Variants in BMPR2 observed in about 807,000 individuals in gnomAD.
The protein encoded by BMPR2 is bone morphogenetic protein receptor type 2.
Under a neutral mutation model 100.8 loss-of-function variants are expected in BMPR2, and 29 were observed. That is an observed-to-expected ratio of 0.29 (90% CI 0.21 to 0.39). BMPR2 has a LOEUF of 0.39. Among genes scored for constraint, BMPR2 ranks in the 10% least tolerant of loss-of-function variants. The pLI is 1.00. For missense variants in BMPR2, 1,011 were observed against 1,274.5 expected, an observed-to-expected ratio of 0.79 and a Z score of 3.15; for synonymous variants, 382 against 442.3, an observed-to-expected ratio of 0.86 and a Z score of 1.71.
At chr2:202,455,258 A>T (rs1692070202) in intron 1 of BMPR2, among the ~76,000 whole-genome samples, 1 of 152,176 alleles carries the variant, frequency 6.6e-6, no homozygotes, top group South Asian at 2.1e-4. Flanking sequence ...TTAATATCCA[A>T]ATAAGGTGAC....
At chr2:202,381,862 T>C (rs544454503) in intron 1 of BMPR2, among the ~76,000 whole-genome samples, 1 of 152,086 alleles carries the variant, frequency 6.6e-6, no homozygotes, top group African/African-American at 2.4e-5. Flanking sequence ...ACAAAACCTT[T>C]CCTTCATTAA....
intron 1 of BMPR2, among the ~76,000 whole-genome samples, chr2:202,399,781 C>T (rs750564179): frequency 4.6e-5 from 7 of 152,166 alleles, no homozygotes; most frequent in African/African-American, 7.2e-5. Flanking sequence ...CTCTAATATA[C>T]TGTTTTTTAA....
rs758635863 is a variant in BMPR2, at chr2:202,377,457, T to C, written c.-18T>C. Reference sequence around the variant, plus strand: ...ATATTTCTTTTCTTTGCCCTCCTGATTCTTGGCTGGCCCAGGGATGACTTC... The same window carrying C: ...ATATTTCTTTTCTTTGCCCTCCTGACTCTTGGCTGGCCCAGGGATGACTTC... On this transcript the variant is annotated 5_prime_UTR_variant, in exon 1 of 13. Coordinates refer to ENST00000374580, the MANE Select transcript of BMPR2 (RefSeq NM_001204.7). 6.2e-7 allele frequency: 1 copy of C among 1,614,072 alleles called. No homozygotes were observed. Among genetic ancestry groups the C allele is most frequent in the Non-Finnish European group, 8.5e-7 (1 of 1,179,864 alleles).
rs142264346 is a variant in BMPR2, at chr2:202,505,226, C to T, written c.419-8493C>T. ...CCTCAGACACTGGAAGAAAATTTGC[C>T]AATCAGAAGTTCAGGGGACTTCTGA... On this transcript the variant is annotated intron_variant, in intron 3 of 12. Coordinates refer to ENST00000374580, the MANE Select transcript of BMPR2 (RefSeq NM_001204.7). 866 of 152,518 alleles carry T rather than the reference C, an allele frequency of 5.7e-3. 6 individuals are homozygous for T. Among genetic ancestry groups the T allele is most frequent in the Middle Eastern group, 0.01 (3 of 300 alleles). The allele number at this position is 152,518 out of a possible 1,614,324, so 9.4% of individuals were successfully genotyped here. A position where few individuals can be genotyped will look rare whatever the true frequency, so the allele number is the denominator to read the frequency against.
intron 3 of BMPR2, among the ~76,000 whole-genome samples, chr2:202,505,993 G>A (rs912488369): frequency 6.6e-6 from 1 of 152,094 alleles, no homozygotes. Context: ...AAGTAGTGTG[G>A]ACTGGGTACT....
intron 3 of BMPR2, among the ~76,000 whole-genome samples, chr2:202,485,988 C>T (rs1692770129): frequency 6.6e-6 from 1 of 151,804 alleles, no homozygotes; most frequent in Non-Finnish European, 1.5e-5. Context: ...CTGCCATTGG[C>T]CTTTAGGATA....
At chr2:202,522,032 G>A (rs1186266735) in intron 7 of BMPR2, among the ~76,000 whole-genome samples, 3 of 151,994 alleles carry the variant, frequency 2.0e-5, no homozygotes, top group South Asian at 2.1e-4. Flanking sequence ...GGTGACACGC[G>A]CACATAATCT....
intron 3 of BMPR2, among the ~76,000 whole-genome samples, chr2:202,507,131 A>G (rs1041499454): frequency 1.5e-4 from 22 of 151,178 alleles, no homozygotes; most frequent in African/African-American, 4.4e-4. Context: ...TCCTCCTCAC[A>G]TGTACAGTGG....
At chr2:202,552,617 A>C in intron 10 of BMPR2, 99 bp from the exon 11 acceptor site, 1 of 1,227,018 alleles carries the variant, frequency 8.1e-7, no homozygotes, top group Non-Finnish European at 1.2e-6. Flanking sequence ...ATACTGGTTA[A>C]GGTAATTGAT....
At chr2:202,480,906 G>A (rs1444427399) in intron 3 of BMPR2, among the ~76,000 whole-genome samples, 2 of 130,556 alleles carry the variant, frequency 1.5e-5, no homozygotes, top group Non-Finnish European at 3.1e-5. Context: ...AGTGAGCCGA[G>A]ATCGTGCCAC....
At chr2:202,475,711 C>G (rs891788837) in intron 3 of BMPR2, among the ~76,000 whole-genome samples, 1 of 152,074 alleles carries the variant, frequency 6.6e-6, no homozygotes. Flanking sequence ...GCCTGATGAA[C>G]AAAGCAAAAC....
chr2:202,563,825 A>G lies in BMPR2; in HGVS notation c.*3879A>G, dbSNP rs1166209641. On this transcript the variant is annotated 3_prime_UTR_variant, in exon 13 of 13. Coordinates refer to ENST00000374580, the MANE Select transcript of BMPR2 (RefSeq NM_001204.7). ...TCCATCTTCAAAACTTCTGCTTTTA[A>G]TAACTTTAGAAAATTTACTAATCTA... The G allele has an allele frequency of 6.6e-6, 1 of 152,226 alleles. No individual in the cohort carries two copies. Among genetic ancestry groups the G allele is most frequent in the Non-Finnish European group, 1.5e-5 (1 of 68,038 alleles). 9.4% of individuals were successfully genotyped at this position (152,226 alleles called of 1,614,324 possible).
At chr2:202,426,568 C>CA (rs35528511) in intron 1 of BMPR2, among the ~76,000 whole-genome samples, 8,196 of 57,732 alleles carry the variant, frequency 0.14, 606 homozygotes, top group South Asian at 0.3. Context: ...GTCTCCGTCT[C>CA]AAAAAAAAAA....
chr2:202,535,957 G>A (rs1163725875), intron 9 of BMPR2, among the ~76,000 whole-genome samples: 2 of 151,238 alleles, frequency 1.3e-5, no homozygotes, highest in Non-Finnish European at 3.0e-5. Context: ...GCCTGCAATC[G>A]CAGGCACTCG....
At chr2:202,429,510 A>G (rs1691462317) in intron 1 of BMPR2, among the ~76,000 whole-genome samples, 1 of 152,108 alleles carries the variant, frequency 6.6e-6, no homozygotes, top group Non-Finnish European at 1.5e-5. Flanking sequence ...CTTATCTATG[A>G]CAGTTTAGCT....
chr2:202,533,979 C>T (rs1201382297), intron 9 of BMPR2, among the ~76,000 whole-genome samples: 1 of 152,052 alleles, frequency 6.6e-6, no homozygotes, highest in Admixed American at 6.6e-5. Context: ...CTTCTAGGTG[C>T]TATACAGATG....
chr2:202,466,485 C>T (rs1304783209), intron 2 of BMPR2, among the ~76,000 whole-genome samples: 2 of 152,062 alleles, frequency 1.3e-5, no homozygotes, highest in Non-Finnish European at 2.9e-5. Flanking sequence ...TAGAGTTTTG[C>T]CATGTTGGCC....
At chr2:202,454,221 C>T (rs1692043771) in intron 1 of BMPR2, among the ~76,000 whole-genome samples, 1 of 152,040 alleles carries the variant, frequency 6.6e-6, no homozygotes, top group African/African-American at 2.4e-5. Context: ...AGGCACACAC[C>T]ACCACACCTG....
chr2:202,454,180 C>T (rs935264009), intron 1 of BMPR2, among the ~76,000 whole-genome samples: 1 of 152,210 alleles, frequency 6.6e-6, no homozygotes, highest in African/African-American at 2.4e-5. Flanking sequence ...AGTGATCCTC[C>T]CACCCCAGCC....
Sources: gnomAD v4.1 joint callset for allele counts (sites outside exome capture counted in the v4.1 genomes callset) on GRCh38, gnomAD v4.1.1 for gene constraint, MANE v1.5 for transcripts, NCBI Gene and HGNC (gene_info 2026-07-23, HGNC 2026-07-21) for gene names.